Variants in YIPF7 observed in about 807,000 individuals in gnomAD.
The protein encoded by YIPF7 is Yip1 domain family member 7, also known as protein YIPF7.
Under a neutral mutation model 27.2 loss-of-function variants are expected in YIPF7, and 35 were observed. That is an observed-to-expected ratio of 1.29 (90% CI 0.98 to 1.70). The LOEUF is 1.70. YIPF7 is among the 40% of genes most tolerant of loss of function. YIPF7 has a pLI of 0.00. For missense variants in YIPF7, 358 were observed against 303.7 expected (o/e 1.18, Z -1.33); for synonymous variants, 137 against 110.4 (o/e 1.24, Z -1.51).
chr4:44,624,030 T>TA (rs561985399), intron 5 of YIPF7, among the ~76,000 whole-genome samples: 1 of 152,024 alleles, frequency 6.6e-6, no homozygotes, highest in East Asian at 1.9e-4. Context: ...TCTGACAACT[T>TA]AAAAAGTGCC....
chr4:44,641,267 A>G (rs1161795443), intron 2 of YIPF7, among the ~76,000 whole-genome samples: 1 of 152,114 alleles, frequency 6.6e-6, no homozygotes, highest in Non-Finnish European at 1.5e-5. Flanking sequence ...ATAATATATT[A>G]GAAGTGTGAT....
intron 4 of YIPF7, 80 bp downstream of exon 4, chr4:44,629,323 C>T: frequency 7.5e-7 from 1 of 1,332,688 alleles, no homozygotes; most frequent in Non-Finnish European, 9.7e-7. Flanking sequence ...CACAGTTTCT[C>T]TTATATTTAT....
At chr4:44,658,967 C>A (rs1229749891) in intron 2 of YIPF7, among the ~76,000 whole-genome samples, 3 of 152,070 alleles carry the variant, frequency 2.0e-5, no homozygotes, top group Non-Finnish European at 4.4e-5. Context: ...AGGACTCAGC[C>A]AAACCATATC....
At chr4:44,647,909 T>C (rs919255612) in intron 2 of YIPF7, among the ~76,000 whole-genome samples, 3 of 152,152 alleles carry the variant, frequency 2.0e-5, no homozygotes, top group African/African-American at 7.2e-5. Context: ...TGTGTGTGTA[T>C]AACAAAGCTT....
chr4:44,650,893 G>C (rs1257141582), intron 1 of YIPF7, among the ~76,000 whole-genome samples: 1 of 152,154 alleles, frequency 6.6e-6, no homozygotes, highest in South Asian at 2.1e-4. Flanking sequence ...GGACATTAGA[G>C]AGGTAATAGT....
chr4:44,657,624 A>T (rs1713935344), intron 2 of YIPF7, among the ~76,000 whole-genome samples: 1 of 152,180 alleles, frequency 6.6e-6, no homozygotes, highest in South Asian at 2.1e-4. Flanking sequence ...ATGTAGTGAA[A>T]AAAATGATTT....
intron 2 of YIPF7, among the ~76,000 whole-genome samples, chr4:44,648,574 C>A (rs1399877663): frequency 6.6e-6 from 1 of 152,020 alleles, no homozygotes. Flanking sequence ...ACTCTTCTTG[C>A]CCTCTAACCT....
intron 5 of YIPF7, among the ~76,000 whole-genome samples, chr4:44,624,281 C>T (rs1307770143): frequency 2.4e-4 from 37 of 152,082 alleles, no homozygotes; most frequent in Non-Finnish European, 1.5e-5. Flanking sequence ...TTAGGCTGGT[C>T]TCGAACTCCC....
intron 3 of YIPF7, among the ~76,000 whole-genome samples, chr4:44,632,635 AT>A (rs1269161544): frequency 6.6e-6 from 1 of 152,208 alleles, no homozygotes; most frequent in African/African-American, 2.4e-5. Flanking sequence ...TAGCTTCATA[AT>A]TTTATAGGCC....
At chr4:44,628,018 G>A (rs1712735092) in intron 4 of YIPF7, among the ~76,000 whole-genome samples, 1 of 152,156 alleles carries the variant, frequency 6.6e-6, no homozygotes, top group South Asian at 2.1e-4. Flanking sequence ...ACCAACAGCT[G>A]CTTTATTACA....
intron 2 of YIPF7, among the ~76,000 whole-genome samples, chr4:44,643,409 C>T (rs1479904398): frequency 2.6e-5 from 4 of 152,056 alleles, no homozygotes; most frequent in African/African-American, 7.2e-5. Flanking sequence ...TGATCTGAAA[C>T]TTGAAATTAT....
At chr4:44,626,738 C>T (rs571372009) in intron 4 of YIPF7, among the ~76,000 whole-genome samples, 1 of 143,046 alleles carries the variant, frequency 7.0e-6, no homozygotes, top group Non-Finnish European at 1.5e-5. Flanking sequence ...TAAGGATCCT[C>T]CCTATTCCAT....
At chr4:44,643,309 T>A (rs1713402381) in intron 2 of YIPF7, among the ~76,000 whole-genome samples, 1 of 152,176 alleles carries the variant, frequency 6.6e-6, no homozygotes, top group Non-Finnish European at 1.5e-5. Context: ...GTTTAGGGCA[T>A]CTACTGGAAG....
intron 2 of YIPF7, among the ~76,000 whole-genome samples, chr4:44,657,764 T>C (rs6447365): frequency 0.53 from 79,874 of 151,606 alleles, 22,372 homozygotes; most frequent in Non-Finnish European, 0.64. Flanking sequence ...ACTGTAACGA[T>C]GCTGCTTTTC....
chr4:44,638,300 G>C (rs1713208641), intron 2 of YIPF7, among the ~76,000 whole-genome samples: 2 of 151,244 alleles, frequency 1.3e-5, no homozygotes, highest in South Asian at 2.1e-4. Flanking sequence ...AAGCCAGATG[G>C]AGCTGGACTA....
At chr4:44,625,670 G>A (rs896562174) in intron 4 of YIPF7, among the ~76,000 whole-genome samples, 2 of 152,132 alleles carry the variant, frequency 1.3e-5, no homozygotes, top group African/African-American at 2.4e-5. Context: ...CATAAAAACA[G>A]CCATTGCTCA....
chr4:44,640,975 A>G (rs550237480), intron 2 of YIPF7, among the ~76,000 whole-genome samples: 1 of 152,098 alleles, frequency 6.6e-6, no homozygotes, highest in Admixed American at 6.6e-5. Flanking sequence ...AACCCAAGGC[A>G]TGCTCCCTCC....
chr4:44,654,315 G>A (rs1713826288), upstream of YIPF7, among the ~76,000 whole-genome samples: 1 of 151,954 alleles, frequency 6.6e-6, no homozygotes, highest in African/African-American at 2.4e-5. Flanking sequence ...ATCTGTTTTA[G>A]TAATTGTTTC....
intron 2 of YIPF7, among the ~76,000 whole-genome samples, chr4:44,638,080 C>T (rs889007539): frequency 5.3e-5 from 8 of 151,870 alleles, no homozygotes; most frequent in African/African-American, 1.2e-4. Flanking sequence ...GGCCAAGAAA[C>T]GTGAAAAAAT....
Sources: allele counts gnomAD v4.1 joint callset (sites outside exome capture counted in the v4.1 genomes callset), GRCh38; gene constraint gnomAD v4.1.1; transcripts MANE v1.5; gene names NCBI Gene and HGNC (gene_info 2026-07-23, HGNC 2026-07-21).